The following ZZEF1 variants were observed in gnomAD, a reference collection of about 807,000 sequenced individuals.
The protein encoded by ZZEF1 is zinc finger ZZ-type and EF-hand domain-containing protein 1.
A neutral mutation model predicts 342.8 loss-of-function variants in ZZEF1; 157 were observed. The observed-to-expected ratio is 0.46, with a 90% confidence interval of 0.40 to 0.52. The LOEUF (loss-of-function observed/expected upper bound fraction) is 0.52, where lower values mean the gene tolerates loss of function less well. Ranked by LOEUF, ZZEF1 falls within the 20% of genes least tolerant of loss-of-function variation. ZZEF1 has a pLI of 0.00. For missense variants in ZZEF1, 3,480 were observed against 3,725.6 expected, an observed-to-expected ratio of 0.93 and a Z score of 1.72; for synonymous variants, 1,505 against 1,429.1, an observed-to-expected ratio of 1.05 and a Z score of -1.20.
intron 6 of ZZEF1, among the ~76,000 whole-genome samples, chr17:4,107,764 G>C (rs1040702252): frequency 1.3e-5 from 2 of 152,216 alleles, no homozygotes; most frequent in African/African-American, 4.8e-5. Flanking sequence ...AAAGAAATAG[G>C]CTGGGCATGG....
rs543950266 is a variant in ZZEF1 at position 4,136,160 on chromosome 17, T to C, written c.354+6382A>G. Among the ~76,000 whole-genome samples the C allele has an allele frequency of 1.1e-3, 158 of 148,920 alleles. 2 individuals are homozygous for C. Among genetic ancestry groups the C allele is most frequent in the African/African-American group, 3.6e-3 (147 of 40,564 alleles). On this transcript the variant is annotated intron_variant, in intron 1 of 54. Transcript: ENST00000381638. Reference sequence around the variant, plus strand: ...CGCGCTTCACCACACTCAGCTAACATGGTGAAACCCCCGTCTCTACTAAAA... The same window carrying C: ...CGCGCTTCACCACACTCAGCTAACACGGTGAAACCCCCGTCTCTACTAAAA...
intron 9 of ZZEF1, among the ~76,000 whole-genome samples, chr17:4,099,076 G>A (rs1024822503): frequency 3.9e-5 from 6 of 151,974 alleles, no homozygotes; most frequent in Admixed American, 6.6e-5. Flanking sequence ...CAACAGAATC[G>A]GATAGACTCT....
intron 13 of ZZEF1, among the ~76,000 whole-genome samples, chr17:4,087,780 CACA>C (rs1357212166): frequency 9.0e-6 from 1 of 110,948 alleles, no homozygotes; most frequent in East Asian, 2.5e-4. Context: ...GATATATACA[CACA>C]ACACACACAC....
At position 4,142,556 on chromosome 17, in the gene ZZEF1, C is replaced by A; in HGVS notation, c.340G>T (p.Glu114Ter). 1.2e-6 allele frequency: 2 copies of A among 1,600,944 alleles called. No homozygotes were observed. Among genetic ancestry groups the A allele is most frequent in the Non-Finnish European group, 1.7e-6 (2 of 1,179,026 alleles). The part of the protein sequence containing the change: ...LEARGAGCSS[E>*]QFEEAFAQFD... ...CCGGCCCTGACCTCCTCGAACTGCT[C>A]GCTAGAGCAGCCGGCGCCGCGAGCC... Residue 114 changes from glutamate (E) to a stop codon, truncating the protein, a stop_gained, in exon 1 of 55, where the codon GAG (glutamate) becomes TAG (stop). Transcript: ENST00000381638. LOFTEE classifies it high-confidence loss of function.
intron 24 of ZZEF1, 89 bp downstream of exon 24, chr17:4,074,061 T>C: frequency 7.0e-7 from 1 of 1,434,144 alleles, no homozygotes; most frequent in Admixed American, 1.8e-5. Context: ...CCCCCTGCCA[T>C]TACGTGGAAA....
intron 38 of ZZEF1, 74 bp from the exon 39 acceptor site, chr17:4,042,642 T>A: frequency 1.4e-6 from 2 of 1,403,440 alleles, no homozygotes; most frequent in Non-Finnish European, 2.0e-6. Context: ...ACCACTGCAC[T>A]GTCCCCTGTG....
At chr17:4,124,883 T>C (rs1179763670) in intron 1 of ZZEF1, among the ~76,000 whole-genome samples, 1 of 152,210 alleles carries the variant, frequency 6.6e-6, no homozygotes, top group African/African-American at 2.4e-5. Flanking sequence ...CTGGGGAACC[T>C]GGGACAGTAG....
rs1488530479 is a variant in ZZEF1, at chr17:4,017,211, T to C, written c.8001+160A>G. 1 of 1,026,192 alleles carries C rather than the reference T, an allele frequency of 9.7e-7. No individual in the cohort carries two copies. Among genetic ancestry groups the C allele is most frequent in the South Asian group, 1.7e-5 (1 of 57,298 alleles). 63.6% of individuals were successfully genotyped at this position (1,026,192 alleles called of 1,614,324 possible). On this transcript the variant is annotated intron_variant, in intron 48 of 54. Transcript: ENST00000381638. The surrounding 1 kb of genome is among the most constrained non-coding windows in gnomAD (Gnocchi z 5.1). Reference sequence around the variant, plus strand: ...CTGAGTTCCTCACTAGCCCAATCCTTGGGAGAGGATACAGTGACCCTACCT... The same window carrying C: ...CTGAGTTCCTCACTAGCCCAATCCTCGGGAGAGGATACAGTGACCCTACCT...
At chr17:4,082,556 C>A in intron 16 of ZZEF1, 52 bp from the exon 17 acceptor site, 1 of 1,566,208 alleles carries the variant, frequency 6.4e-7, no homozygotes, top group East Asian at 2.3e-5. Flanking sequence ...CATGACATTC[C>A]AGAGACCTAG....
rs368606177 is a variant in ZZEF1 at position 4,120,898 on chromosome 17, G to T, written c.499+3009C>A. Reference sequence around the variant, plus strand: ...TCCAAGCCTAATGAATTTGGAAAAGGTACTGTTCTCTTTTCTTAAACGCTT... The same window carrying T: ...TCCAAGCCTAATGAATTTGGAAAAGTTACTGTTCTCTTTTCTTAAACGCTT... On this transcript the variant is annotated intron_variant, in intron 2 of 54. Coordinates refer to ENST00000381638, the MANE Select transcript of ZZEF1 (RefSeq NM_015113.4). 6.6e-5 allele frequency among the ~76,000 whole-genome samples: 10 copies of T among 152,224 alleles called. No individual in the cohort carries two copies. The South Asian group carries it at 2.1e-3, about 32-fold the overall frequency.
chr17:4,112,030 CTAAA>C (rs2058311400), intron 5 of ZZEF1, among the ~76,000 whole-genome samples: 1 of 39,330 alleles, frequency 2.5e-5, no homozygotes. Flanking sequence ...GAGATCCTGT[CTAAA>C]TATATATATA....
Position 4,067,241 on chromosome 17 carries a change from G to C in ZZEF1, c.4077C>G (p.Val1359=), listed in dbSNP as rs2057418607. 6.2e-7 allele frequency: 1 copy of C among 1,611,994 alleles called. No homozygotes were observed. The highest frequency in any genetic ancestry group is 1.3e-5 in the African/African-American group (1 of 74,848). The change falls in exon 27 of 55, where the codon GTC becomes GTG. Residue 1359 remains valine (V), a splice_region_variant and synonymous_variant. Transcript: ENST00000381638. ...TCAGGGCTATTTTGCCCCCACTGTT[G>C]ACTGGGGAGAGAAGCAGAGATGGAG... ...PDLYEKLQKY[V]NSGGKIALSE...
chr17:4,006,972 T>C lies in ZZEF1; in HGVS notation c.8806-2A>G. ...GATGGCAGCAATGTTCTGCAGAGCC[T>C]GTAGAGGGAAAAAGAGTTGTCGCCA... On this transcript the variant is annotated splice_acceptor_variant, in intron 54 of 54. Transcript: ENST00000381638. LOFTEE classifies it high-confidence loss of function. The C allele has an allele frequency of 1.3e-6, 2 of 1,581,272 alleles. No homozygotes were observed. The highest frequency in any genetic ancestry group is 1.7e-6 in the Non-Finnish European group (2 of 1,162,414).
rs1279607611 is a variant in ZZEF1, at chr17:4,014,184, G to A, written c.8319C>T (p.Asp2773=). The A allele has an allele frequency of 1.9e-6, 3 of 1,614,010 alleles. No homozygotes were observed. The highest frequency in any genetic ancestry group is 2.5e-6 in the Non-Finnish European group (3 of 1,180,022). The change falls in exon 51 of 55, where the codon GAC becomes GAT. Residue 2773 remains aspartate (D), a synonymous_variant. Coordinates refer to ENST00000381638, the MANE Select transcript of ZZEF1 (RefSeq NM_015113.4). The surrounding 1 kb of genome is among the most constrained non-coding windows in gnomAD (Gnocchi z 4.4). The part of the protein sequence containing the change: ...QKWKDFELPG[D]TLYYRFTSDM... ...CGGAGGTGAAGCGGTAATACAGAGT[G>A]TCTCCTAGGCACACAAGGATCAGAG...
intron 8 of ZZEF1, 45 bp from the exon 9 acceptor site, chr17:4,102,460 G>T (rs374653631): frequency 1.3e-6 from 2 of 1,559,290 alleles, no homozygotes; most frequent in Middle Eastern, 1.7e-4. Flanking sequence ...AAAATATGAA[G>T]AACTGGAAAC....
At chr17:4,098,444 G>C (rs555463724) in intron 9 of ZZEF1, among the ~76,000 whole-genome samples, 1 of 152,162 alleles carries the variant, frequency 6.6e-6, no homozygotes, top group Non-Finnish European at 1.5e-5. Flanking sequence ...ATAAATTAAA[G>C]TAAATAAATT....
intron 1 of ZZEF1, among the ~76,000 whole-genome samples, chr17:4,138,600 G>C (rs565112759): frequency 4.6e-5 from 7 of 152,220 alleles, no homozygotes; most frequent in African/African-American, 1.7e-4. Context: ...GAATCAAAAA[G>C]GCCCTTCCCT....
intron 14 of ZZEF1, 84 bp downstream of exon 14, chr17:4,087,350 A>G (rs1269496953): frequency 1.7e-6 from 2 of 1,147,596 alleles, no homozygotes; most frequent in Non-Finnish European, 2.5e-6. Context: ...TAAAAAAAAA[A>G]TTAGGAAAAA....
At chr17:4,134,671 G>A (rs1212167021) in intron 1 of ZZEF1, among the ~76,000 whole-genome samples, 3 of 152,046 alleles carry the variant, frequency 2.0e-5, no homozygotes, top group African/African-American at 7.2e-5. Flanking sequence ...GACGAACAGA[G>A]AGGTTATTTT....
Sources: allele counts gnomAD v4.1 joint callset (sites outside exome capture counted in the v4.1 genomes callset), GRCh38; gene constraint gnomAD v4.1.1; non-coding constraint Gnocchi (gnomAD v3.1); transcripts MANE v1.5; gene names NCBI Gene and HGNC (gene_info 2026-07-23, HGNC 2026-07-21).